B4GALT6: variants seen among roughly 807,000 people sequenced by gnomAD.
B4GALT6 encodes the protein beta-1,4-galactosyltransferase 6.
In B4GALT6, 14 loss-of-function variants were observed where a neutral mutation model predicts 46.3. That is an observed-to-expected ratio of 0.30 (90% CI 0.20 to 0.47). The LOEUF is 0.47. B4GALT6 is among the 20% of genes least tolerant of loss of function. The pLI is 0.99. For synonymous variants in B4GALT6, 168 were observed against 162.0 expected, an observed-to-expected ratio of 1.04 and a Z score of -0.28; for missense variants, 386 against 480.1, an observed-to-expected ratio of 0.80 and a Z score of 1.83.
chr18:31,668,339 TA>T (rs1220961560), intron 1 of B4GALT6, among the ~76,000 whole-genome samples: 1 of 152,094 alleles, frequency 6.6e-6, no homozygotes, highest in East Asian at 1.9e-4. Context: ...GGCAGAAGTT[TA>T]AAACTACCTA....
At chr18:31,648,034 G>C (rs1362764470) in intron 3 of B4GALT6, among the ~76,000 whole-genome samples, 1 of 152,130 alleles carries the variant, frequency 6.6e-6, no homozygotes, top group African/African-American at 2.4e-5. Context: ...TGAAGCTAGA[G>C]AGGGAATGTC....
chr18:31,712,209 G>C, the B4GALT6 span, among the ~76,000 whole-genome samples: 1 of 151,052 alleles, frequency 6.6e-6, no homozygotes, highest in African/African-American at 2.4e-5. Flanking sequence ...GGCTATAATG[G>C]AGTCTTTTTC....
intron 3 of B4GALT6, among the ~76,000 whole-genome samples, chr18:31,646,267 T>C (rs1051318375): frequency 1.3e-5 from 2 of 152,212 alleles, no homozygotes; most frequent in African/African-American, 4.8e-5. Context: ...AACAAATATA[T>C]GACATTACTG....
the B4GALT6 span, among the ~76,000 whole-genome samples, chr18:31,695,632 A>C: frequency 6.6e-6 from 1 of 152,358 alleles, no homozygotes; most frequent in Non-Finnish European, 1.5e-5. Context: ...AAAACCTTGG[A>C]TCATCTTACA....
At chr18:31,678,823 AG>A (rs922903585) in intron 1 of B4GALT6, among the ~76,000 whole-genome samples, 1 of 152,326 alleles carries the variant, frequency 6.6e-6, no homozygotes, top group Non-Finnish European at 1.5e-5. Flanking sequence ...GCCCTTGGAC[AG>A]GGGGGCAAAC....
the B4GALT6 span, among the ~76,000 whole-genome samples, chr18:31,707,825 C>A: frequency 1.3e-5 from 2 of 152,024 alleles, no homozygotes. Context: ...TATATTCTTT[C>A]TGATATTATA....
At chr18:31,719,813 C>T in the B4GALT6 span, among the ~76,000 whole-genome samples, 1 of 152,110 alleles carries the variant, frequency 6.6e-6, no homozygotes, top group African/African-American at 2.4e-5. Flanking sequence ...TGTGGCAGAA[C>T]TGGTCGAGCC....
At chr18:31,670,141 C>A (rs1341495174) in intron 1 of B4GALT6, among the ~76,000 whole-genome samples, 1 of 152,010 alleles carries the variant, frequency 6.6e-6, no homozygotes, top group South Asian at 2.1e-4. Flanking sequence ...GTAACCTCCA[C>A]CTCCTGGGCT....
At chr18:31,706,037 A>T in the B4GALT6 span, among the ~76,000 whole-genome samples, 1 of 152,216 alleles carries the variant, frequency 6.6e-6, no homozygotes, top group Non-Finnish European at 1.5e-5. Flanking sequence ...AATTATATTT[A>T]GACAGGTAGT....
intron 5 of B4GALT6, among the ~76,000 whole-genome samples, chr18:31,637,765 T>C (rs2073877664): frequency 6.6e-6 from 1 of 152,228 alleles, no homozygotes. Context: ...TCATGGGTCA[T>C]AAACTGAAAT....
At chr18:31,648,329 C>T (rs1215603629) in intron 3 of B4GALT6, among the ~76,000 whole-genome samples, 2 of 152,226 alleles carry the variant, frequency 1.3e-5, no homozygotes, top group Non-Finnish European at 2.9e-5. Flanking sequence ...TAATCACAAT[C>T]AGCAAATGTA....
the B4GALT6 span, among the ~76,000 whole-genome samples, chr18:31,691,017 A>G: frequency 6.6e-6 from 1 of 152,080 alleles, no homozygotes; most frequent in African/African-American, 2.4e-5. Flanking sequence ...GAGGGAGAGC[A>G]TTAGGACAAA....
intron 1 of B4GALT6, among the ~76,000 whole-genome samples, chr18:31,673,069 T>A (rs745796729): frequency 6.6e-6 from 1 of 151,156 alleles, no homozygotes; most frequent in Non-Finnish European, 1.5e-5. Flanking sequence ...GCAGCCTGAG[T>A]GGAAAAAAAC....
chr18:31,667,979 C>T (rs1482561093), intron 1 of B4GALT6, among the ~76,000 whole-genome samples: 1 of 151,846 alleles, frequency 6.6e-6, no homozygotes, highest in Non-Finnish European at 1.5e-5. Context: ...AGCCTGTAAC[C>T]CCAGCTACTC....
chr18:31,709,603 G>GTA, the B4GALT6 span, among the ~76,000 whole-genome samples: 8,026 of 135,050 alleles, frequency 0.059, 350 homozygotes, highest in Middle Eastern at 0.081. Flanking sequence ...GTGTGTGTGT[G>GTA]TATATATATA....
At chr18:31,629,429 G>A (rs1598864355) in intron 6 of B4GALT6, among the ~76,000 whole-genome samples, 1 of 68,310 alleles carries the variant, frequency 1.5e-5, no homozygotes, top group South Asian at 5.7e-4. Context: ...AGAATTCTTA[G>A]TTTATATGCC....
the B4GALT6 span, among the ~76,000 whole-genome samples, chr18:31,707,456 T>A: frequency 9.9e-5 from 15 of 152,112 alleles, no homozygotes; most frequent in Admixed American, 5.2e-4. Context: ...GTTGTAGCTT[T>A]TGCCACAAAA....
chr18:31,684,734 G>C, upstream of B4GALT6: 1 of 1,116,816 alleles, frequency 9.0e-7, no homozygotes, highest in Non-Finnish European at 1.1e-6. Flanking sequence ...GGAAGGGCGA[G>C]GAGGAGCGTT....
At chr18:31,675,719 A>C (rs913567367) in intron 1 of B4GALT6, among the ~76,000 whole-genome samples, 3 of 152,202 alleles carry the variant, frequency 2.0e-5, no homozygotes, top group Non-Finnish European at 2.9e-5. Context: ...TTAAAAATCT[A>C]ATCAGGAAAC....
Sources: allele counts gnomAD v4.1 joint callset (sites outside exome capture counted in the v4.1 genomes callset), GRCh38; gene constraint gnomAD v4.1.1; transcripts MANE v1.5; gene names NCBI Gene and HGNC (gene_info 2026-07-23, HGNC 2026-07-21).